Variants in MRRF observed in about 807,000 individuals in gnomAD.
MRRF encodes ribosome-recycling factor, mitochondrial.
A neutral mutation model predicts 25.1 loss-of-function variants in MRRF; 18 were observed. The observed-to-expected ratio is 0.72, with a 90% CI of 0.50 to 1.06. MRRF has a LOEUF of 1.06. Ranked by LOEUF, MRRF falls within the 50% of genes least tolerant of loss-of-function variation. The probability of loss-of-function intolerance (pLI) is 0.00; values close to 1 mark genes in which losing one functional copy is unlikely to be tolerated. For missense variants in MRRF, 323 were observed against 319.3 expected (o/e 1.01, Z -0.09); for synonymous variants, 113 against 112.1 (o/e 1.01, Z -0.05).
chr9:122,266,617 A>T (rs1302770309), intron 1 of MRRF, among the ~76,000 whole-genome samples: 1 of 152,236 alleles, frequency 6.6e-6, no homozygotes, highest in Non-Finnish European at 1.5e-5. Context: ...ATGCACACTC[A>T]TAGAAGTGCT....
intron 3 of MRRF, among the ~76,000 whole-genome samples, chr9:122,283,536 A>T (rs1348051898): frequency 6.6e-6 from 1 of 152,228 alleles, no homozygotes; most frequent in African/African-American, 2.4e-5. Context: ...AATAACAAAG[A>T]CTTTTACCAT....
rs184066967 is a variant in MRRF at position 122,275,215 on chromosome 9, A to G, written c.184+4140A>G. Among the ~76,000 whole-genome samples the G allele has an allele frequency of 2.5e-3, 382 of 151,982 alleles. 2 individuals are homozygous for G. The highest frequency in any genetic ancestry group is 8.9e-3 in the African/African-American group (368 of 41,414). ...TTAGATCTCCAGACTTGTTCATCCT[A>G]CATATCTACTACTTTGTATCCTTTG... On this transcript the variant is annotated intron_variant, in intron 2 of 6. Coordinates refer to ENST00000344641, the MANE Select transcript of MRRF (RefSeq NM_138777.5).
At chr9:122,319,526 A>G (rs1453054778) in intron 6 of MRRF, among the ~76,000 whole-genome samples, 1 of 152,198 alleles carries the variant, frequency 6.6e-6, no homozygotes, top group Admixed American at 6.5e-5. Context: ...TACCTGCTTC[A>G]TAGAGGCTAT....
intron 5 of MRRF, among the ~76,000 whole-genome samples, chr9:122,294,536 A>G (rs1833967679): frequency 6.6e-6 from 1 of 152,196 alleles, no homozygotes; most frequent in Admixed American, 6.5e-5. Flanking sequence ...CTTCCCTTTG[A>G]CAAGGTGGTG....
intron 5 of MRRF, 147 bp from the exon 6 acceptor site, chr9:122,313,080 G>A (rs964921182): frequency 8.2e-6 from 7 of 857,096 alleles, no homozygotes; most frequent in East Asian, 2.7e-5. Flanking sequence ...TTATACATGC[G>A]TTTTCCTCCT....
intron 5 of MRRF, among the ~76,000 whole-genome samples, chr9:122,296,563 A>G (rs1834096993): frequency 6.6e-6 from 1 of 152,190 alleles, no homozygotes; most frequent in South Asian, 2.1e-4. Context: ...TGGCAGAAGC[A>G]GGGTTAGAAT....
rs376893646 is a variant in MRRF at position 122,324,054 on chromosome 9, C to G, written c.*1437C>G. 6.6e-6 allele frequency: 1 copy of G among 152,274 alleles called. No homozygotes were observed. Among genetic ancestry groups the G allele is most frequent in the East Asian group, 1.9e-4 (1 of 5,184 alleles). 9.4% of individuals were successfully genotyped at this position (152,274 alleles called of 1,614,324 possible). A position where few individuals can be genotyped will look rare whatever the true frequency, so the allele number is the denominator to read the frequency against. ...GAGTTTGTTTCCCCCACACACCAAG[C>G]AATTCTCCAGCAGACACCAACTGGG... On this transcript the variant is annotated 3_prime_UTR_variant, in exon 7 of 7. Coordinates refer to ENST00000344641, the MANE Select transcript of MRRF (RefSeq NM_138777.5).
At chr9:122,268,613 A>G (rs540069401) in intron 1 of MRRF, among the ~76,000 whole-genome samples, 1 of 152,352 alleles carries the variant, frequency 6.6e-6, no homozygotes, top group African/African-American at 2.4e-5. Flanking sequence ...GCATCTGTAA[A>G]ATGGGGATTA....
chr9:122,285,614 G>T (rs1246594030), intron 4 of MRRF: 3 of 502,318 alleles, frequency 6.0e-6, no homozygotes, highest in Non-Finnish European at 1.0e-5. Flanking sequence ...TGAGTGGAAT[G>T]CCTCTGCCCA....
At chr9:122,292,249 G>A (rs1833823609) in intron 5 of MRRF, among the ~76,000 whole-genome samples, 1 of 152,166 alleles carries the variant, frequency 6.6e-6, no homozygotes, top group African/African-American at 2.4e-5. Context: ...TTTTTGCTAA[G>A]AGCTAAATGA....
chr9:122,313,860 C>T (rs1835355942), intron 6 of MRRF, among the ~76,000 whole-genome samples: 1 of 152,098 alleles, frequency 6.6e-6, no homozygotes, highest in South Asian at 2.1e-4. Flanking sequence ...AAGTCTTAAG[C>T]TGCTGGAGTA....
chr9:122,278,880 C>T (rs1436413717), intron 2 of MRRF, among the ~76,000 whole-genome samples: 1 of 151,984 alleles, frequency 6.6e-6, no homozygotes, highest in Non-Finnish European at 1.5e-5. Flanking sequence ...ATCCGAAGAT[C>T]CACATCTTTT....
At chr9:122,277,798 C>T (rs151215828) in intron 2 of MRRF, among the ~76,000 whole-genome samples, 313 of 152,308 alleles carry the variant, frequency 2.1e-3, no homozygotes, top group African/African-American at 7.2e-3. Flanking sequence ...GTGATCCGCC[C>T]GCCTTGGCTT....
chr9:122,316,561 A>G (rs993416484), intron 6 of MRRF, among the ~76,000 whole-genome samples: 3 of 152,008 alleles, frequency 2.0e-5, no homozygotes, highest in African/African-American at 7.2e-5. Flanking sequence ...TATATACTTC[A>G]TGGTGTTCTT....
At chr9:122,315,902 T>G (rs977091277) in intron 6 of MRRF, among the ~76,000 whole-genome samples, 1 of 152,200 alleles carries the variant, frequency 6.6e-6, no homozygotes, top group East Asian at 1.9e-4. Flanking sequence ...ACAAAGACCT[T>G]GCTGGAAGCC....
At chr9:122,267,819 T>C (rs1161441952) in intron 1 of MRRF, among the ~76,000 whole-genome samples, 1 of 152,248 alleles carries the variant, frequency 6.6e-6, no homozygotes, top group Non-Finnish European at 1.5e-5. Context: ...GTCATTGTTA[T>C]ATAAATGTTA....
chr9:122,304,338 C>A (rs1834693366), intron 5 of MRRF, among the ~76,000 whole-genome samples: 1 of 152,176 alleles, frequency 6.6e-6, no homozygotes, highest in Non-Finnish European at 1.5e-5. Context: ...TTTTTGAACA[C>A]CTGTCTTCTG....
At chr9:122,303,389 ATT>A (rs1834596343) in intron 5 of MRRF, among the ~76,000 whole-genome samples, 2 of 151,208 alleles carry the variant, frequency 1.3e-5, no homozygotes, top group Admixed American at 6.6e-5. Flanking sequence ...GTACTTTTTA[ATT>A]TTATCTTTTT....
chr9:122,325,718 G>A lies in MRRF; in HGVS notation c.*3101G>A, dbSNP rs1412618540. 7.3e-6 allele frequency: 1 copy of A among 137,562 alleles called. No individual in the cohort carries two copies. Among genetic ancestry groups the A allele is most frequent in the Non-Finnish European group, 1.5e-5 (1 of 65,652 alleles). The allele number at this position is 137,562 out of a possible 1,614,324, so 8.5% of individuals were successfully genotyped here. ...TACAAAATAAGTTGGAATGCAGAAA[G>A]TTAAAAAAAAAATCTCACCAGGCCC... is the stretch of plus-strand genomic sequence containing the variant. On this transcript the variant is annotated 3_prime_UTR_variant, in exon 7 of 7. Transcript: ENST00000344641.
Sources: allele counts gnomAD v4.1 joint callset (sites outside exome capture counted in the v4.1 genomes callset), GRCh38; gene constraint gnomAD v4.1.1; transcripts MANE v1.5; gene names NCBI Gene and HGNC (gene_info 2026-07-23, HGNC 2026-07-21).